The following RIMS1 variants were observed in gnomAD, a reference collection of about 807,000 sequenced individuals.
The protein encoded by RIMS1 is regulating synaptic membrane exocytosis protein 1.
A neutral mutation model predicts 214.1 loss-of-function variants in RIMS1; 83 were observed. The ratio of observed to expected loss-of-function variants is 0.39; its 90% CI spans 0.32 to 0.47. The LOEUF (loss-of-function observed/expected upper bound fraction) is 0.47, where lower values mean the gene tolerates loss of function less well. Among genes scored for constraint, RIMS1 ranks in the 20% least tolerant of loss-of-function variants. The pLI is 0.99. For synonymous variants in RIMS1, 793 were observed against 786.8 expected, an observed-to-expected ratio of 1.01 and a Z score of -0.13; for missense variants, 2,050 against 2,161.8, an observed-to-expected ratio of 0.95 and a Z score of 1.03.
chr6:72,126,267 C>A (rs944524527), intron 4 of RIMS1, among the ~76,000 whole-genome samples: 1 of 152,166 alleles, frequency 6.6e-6, no homozygotes, highest in African/African-American at 2.4e-5. Flanking sequence ...AAACAAAAAT[C>A]AGCTCAAGAT....
chr6:71,887,199 C>T lies in RIMS1; in HGVS notation c.164+12C>T, dbSNP rs1330525377. ...GAAGCCATGCTCAAGTAAGCCAGCC[C>T]CAGCCGCGCCATCCATGCCTCCGTG... On this transcript the variant is annotated intron_variant, in intron 1 of 33. Transcript: ENST00000521978. 2 of 1,597,788 alleles carry T rather than the reference C, an allele frequency of 1.3e-6. No homozygotes were observed. Among genetic ancestry groups the T allele is most frequent in the African/African-American group, 1.3e-5 (1 of 74,640 alleles).
intron 19 of RIMS1, chr6:72,261,394 C>G (rs2077939739): frequency 1.0e-6 from 1 of 985,482 alleles, no homozygotes; most frequent in Admixed American, 6.2e-5. Flanking sequence ...ATGAATGCCT[C>G]TTTAGAAGCG....
At chr6:71,890,268 C>G (rs1769226185) in intron 1 of RIMS1, among the ~76,000 whole-genome samples, 1 of 151,856 alleles carries the variant, frequency 6.6e-6, no homozygotes, top group Admixed American at 6.6e-5. Flanking sequence ...GTTTTGTTGG[C>G]AAAGTACACT....
chr6:72,055,989 A>C (rs1053412562), intron 2 of RIMS1, among the ~76,000 whole-genome samples: 1 of 152,194 alleles, frequency 6.6e-6, no homozygotes, highest in Admixed American at 6.5e-5. Flanking sequence ...AGTATTCACG[A>C]TAGCAAAGAT....
intron 2 of RIMS1, among the ~76,000 whole-genome samples, chr6:71,974,793 T>G (rs1259495688): frequency 6.6e-6 from 1 of 152,190 alleles, no homozygotes; most frequent in African/African-American, 2.4e-5. Context: ...CAAGGAAATC[T>G]CCAATTGCAA....
At chr6:72,167,553 G>C (rs922987994) in intron 4 of RIMS1, among the ~76,000 whole-genome samples, 5 of 152,096 alleles carry the variant, frequency 3.3e-5, no homozygotes, top group African/African-American at 1.2e-4. Flanking sequence ...ATTTGCCAAT[G>C]AAGATATTTG....
At chr6:71,916,719 A>G (rs890604628) in intron 1 of RIMS1, among the ~76,000 whole-genome samples, 8 of 152,136 alleles carry the variant, frequency 5.3e-5, no homozygotes, top group African/African-American at 1.9e-4. Context: ...CAGTTAGTAA[A>G]TTTTATCTTA....
chr6:71,983,406 G>C (rs1213288049), intron 2 of RIMS1, among the ~76,000 whole-genome samples: 1 of 151,598 alleles, frequency 6.6e-6, no homozygotes, highest in Non-Finnish European at 1.5e-5. Flanking sequence ...AGTTATACAG[G>C]GAAAGGCCCA....
chr6:72,268,820 G>A (rs1195459862), intron 22 of RIMS1, among the ~76,000 whole-genome samples: 1 of 152,096 alleles, frequency 6.6e-6, no homozygotes, highest in Non-Finnish European at 1.5e-5. Context: ...ATAATTCAGT[G>A]AATTATTCCA....
chr6:72,157,758 TTACA>T (rs1417005029), intron 4 of RIMS1, among the ~76,000 whole-genome samples: 1 of 140,688 alleles, frequency 7.1e-6, no homozygotes, highest in Non-Finnish European at 1.6e-5. Context: ...TTTAATTTTC[TTACA>T]TACTGTAGGT....
rs9442774 is a variant in RIMS1, at chr6:72,369,822, C to G, written c.4367-20776C>G. On this transcript the variant is annotated intron_variant, in intron 29 of 33. Transcript: ENST00000521978. ...CTAAGATGCTGGTAGGATTGCTAGG[C>G]GAAAGCAGCCAGAAGTCTATTGGAA... 5.9e-3 allele frequency among the ~76,000 whole-genome samples: 897 copies of G among 152,206 alleles called. 8 individuals carry two copies. Among genetic ancestry groups the G allele is most frequent in the African/African-American group, 0.021 (870 of 41,532 alleles).
At chr6:72,268,299 C>T (rs552724865) in intron 22 of RIMS1, among the ~76,000 whole-genome samples, 3 of 152,098 alleles carry the variant, frequency 2.0e-5, no homozygotes, top group East Asian at 1.9e-4. Flanking sequence ...AGAGGGTTTT[C>T]GAGGCTACTT....
chr6:71,985,153 G>A (rs1799571365), intron 2 of RIMS1, among the ~76,000 whole-genome samples: 1 of 152,160 alleles, frequency 6.6e-6, no homozygotes, highest in South Asian at 2.1e-4. Flanking sequence ...GGAGGCCATG[G>A]CAAGAGAATT....
chr6:71,969,133 C>A, intron 2 of RIMS1, 70 bp downstream of exon 2: 1 of 1,433,290 alleles, frequency 7.0e-7, no homozygotes, highest in Non-Finnish European at 9.9e-7. Flanking sequence ...CAGATTTATT[C>A]ACATTGCATG....
At chr6:72,041,010 CA>C (rs1821286703) in intron 2 of RIMS1, among the ~76,000 whole-genome samples, 1 of 151,894 alleles carries the variant, frequency 6.6e-6, no homozygotes, top group Admixed American at 6.6e-5. Context: ...ATAGACGATA[CA>C]AATTGACCTT....
At chr6:72,000,004 C>T (rs757880464) in intron 2 of RIMS1, among the ~76,000 whole-genome samples, 1 of 152,000 alleles carries the variant, frequency 6.6e-6, no homozygotes, top group Non-Finnish European at 1.5e-5. Context: ...AGATATTAAT[C>T]TGTTGTTCAT....
intron 2 of RIMS1, among the ~76,000 whole-genome samples, chr6:72,049,691 G>A (rs748022500): frequency 1.3e-5 from 2 of 152,126 alleles, no homozygotes; most frequent in South Asian, 2.1e-4. Context: ...GTAGACATAC[G>A]GCTTTCATTT....
chr6:72,107,024 A>C (rs2034893857), intron 4 of RIMS1, among the ~76,000 whole-genome samples: 1 of 152,148 alleles, frequency 6.6e-6, no homozygotes, highest in Non-Finnish European at 1.5e-5. Flanking sequence ...TTTCCAGTTG[A>C]TGAAGAGCTG....
At chr6:72,207,674 AAACT>A (rs2053162071) in intron 6 of RIMS1, among the ~76,000 whole-genome samples, 1 of 152,170 alleles carries the variant, frequency 6.6e-6, no homozygotes, top group Non-Finnish European at 1.5e-5. Flanking sequence ...CAAAGGGAAG[AAACT>A]AACTAGGACA....
Sources: allele counts gnomAD v4.1 joint callset (sites outside exome capture counted in the v4.1 genomes callset), GRCh38; gene constraint gnomAD v4.1.1; transcripts MANE v1.5; gene names NCBI Gene and HGNC (gene_info 2026-07-23, HGNC 2026-07-21).